Variants in CEP78 observed in about 807,000 individuals in gnomAD.
The protein encoded by CEP78 is centrosomal protein 78, also known as centrosomal protein of 78 kDa.
CEP78 carries 76 observed loss-of-function variants against 81.2 expected under a neutral mutation model. That is an observed-to-expected ratio of 0.94 (90% CI 0.78 to 1.13). The LOEUF (loss-of-function observed/expected upper bound fraction) is 1.13, where lower values mean the gene tolerates loss of function less well. CEP78 is among the 50% of genes most tolerant of loss of function. CEP78 has a pLI of 0.00. For missense variants in CEP78, 918 were observed against 846.8 expected (o/e 1.08, Z -1.04); for synonymous variants, 293 against 301.4 (o/e 0.97, Z 0.29).
At chr9:78,246,236 A>G (rs1826473224) in intron 5 of CEP78, among the ~76,000 whole-genome samples, 1 of 151,808 alleles carries the variant, frequency 6.6e-6, no homozygotes, top group Non-Finnish European at 1.5e-5. Context: ...AAGATTAAAA[A>G]CTGGCCATGA....
At chr9:78,246,826 G>A in intron 6 of CEP78, 44 bp downstream of exon 6, 1 of 1,122,222 alleles carries the variant, frequency 8.9e-7, no homozygotes, top group Non-Finnish European at 1.3e-6. Context: ...AATAGCAAAA[G>A]AAAAAGAATT....
At chr9:78,261,664 GT>G (rs1254301328) in intron 11 of CEP78, among the ~76,000 whole-genome samples, 4 of 152,166 alleles carry the variant, frequency 2.6e-5, no homozygotes, top group South Asian at 2.1e-4. Flanking sequence ...TTTAGAACTA[GT>G]TAGGAATGGA....
intron 15 of CEP78, 61 bp downstream of exon 15, chr9:78,265,967 A>G: frequency 2.5e-6 from 2 of 803,444 alleles, no homozygotes; most frequent in Non-Finnish European, 4.3e-6. Flanking sequence ...CAGGCAGTAT[A>G]TTATAGGCAT....
At chr9:78,259,910 T>G (rs1827198531) in intron 11 of CEP78, among the ~76,000 whole-genome samples, 1 of 152,360 alleles carries the variant, frequency 6.6e-6, no homozygotes, top group South Asian at 2.1e-4. Context: ...CTTTTATCTA[T>G]TAGAGAAAAA....
intron 13 of CEP78, among the ~76,000 whole-genome samples, chr9:78,264,645 T>TAAA (rs34285580): frequency 3.4e-4 from 40 of 119,368 alleles, no homozygotes; most frequent in Middle Eastern, 9.3e-3. Flanking sequence ...GCCCATCTCT[T>TAAA]AAAAAAAAAA....
In CEP78 at chr9:78,275,020, A is replaced by G. The variant is rs530934542; in HGVS notation, c.*4169A>G. 2 of 152,224 alleles carry G rather than the reference A, an allele frequency of 1.3e-5. No individual in the cohort carries two copies. The highest frequency in any genetic ancestry group is 2.1e-4 in the South Asian group (1 of 4,836). 9.4% of individuals were successfully genotyped at this position (152,224 alleles called of 1,614,324 possible). A position where few individuals can be genotyped will look rare whatever the true frequency, so the allele number is the denominator to read the frequency against. ...TGAAACACAGGTTTTTAAAAATGAA[A>G]GATAAACCTTTGTAAAATATGATAA... On this transcript the variant is annotated 3_prime_UTR_variant, in exon 17 of 17. Transcript: ENST00000643273.
At chr9:78,265,324 G>C in intron 13 of CEP78, 48 bp from the exon 14 acceptor site, 1 of 1,454,162 alleles carries the variant, frequency 6.9e-7, no homozygotes, top group Non-Finnish European at 9.3e-7. Flanking sequence ...CTGTTCTTAT[G>C]TGCTTCTAGT....
At position 78,276,591 on chromosome 9, in the gene CEP78, C is replaced by T. The variant is rs929604735; in HGVS notation, c.*5740C>T. Reference sequence around the variant, plus strand: ...AGCTGAATAAGGAGGCTGTGCACAACACCAACACACCGGTATGAAAAGTGT... The same window carrying T: ...AGCTGAATAAGGAGGCTGTGCACAATACCAACACACCGGTATGAAAAGTGT... On this transcript the variant is annotated 3_prime_UTR_variant, in exon 17 of 17. Transcript: ENST00000643273. 6.6e-6 allele frequency: 1 copy of T among 150,950 alleles called. No individual in the cohort carries two copies. The highest frequency in any genetic ancestry group is 1.5e-5 in the Non-Finnish European group (1 of 67,754). The allele number at this position is 150,950 out of a possible 1,614,324, so 9.4% of individuals were successfully genotyped here. A position where few individuals can be genotyped will look rare whatever the true frequency, so the allele number is the denominator to read the frequency against.
At position 78,263,003 on chromosome 9, in the gene CEP78, A is replaced by G; in HGVS notation, c.1458+19A>G. On this transcript the variant is annotated intron_variant, in intron 12 of 16. Transcript: ENST00000643273. ...CAGTGAGGTAAATAAAAGTTTTCTTACCTTTTGAGAGTTTTTTGTTTTGGT... is the reference window on the plus strand; with the variant it reads ...CAGTGAGGTAAATAAAAGTTTTCTTGCCTTTTGAGAGTTTTTTGTTTTGGT... 1.3e-6 allele frequency: 2 copies of G among 1,483,414 alleles called. No individual in the cohort carries two copies. The highest frequency in any genetic ancestry group is 1.8e-6 in the Non-Finnish European group (2 of 1,098,088). 91.9% of individuals were successfully genotyped at this position (1,483,414 alleles called of 1,614,324 possible).
At chr9:78,264,923 T>C (rs114482594) in intron 13 of CEP78, among the ~76,000 whole-genome samples, 29 of 151,632 alleles carry the variant, frequency 1.9e-4, no homozygotes, top group African/African-American at 7.0e-4. Flanking sequence ...AAAGAAAGAG[T>C]TGGAGATAGA....
At position 78,262,151 on chromosome 9, in the gene CEP78, A is replaced by G. The variant is rs149328258; in HGVS notation, c.1381-756A>G. Among the ~76,000 whole-genome samples the G allele has an allele frequency of 1.8e-4, 27 of 152,012 alleles. No individual in the cohort carries two copies. The East Asian group carries it at 4.2e-3, about 24-fold the overall frequency. On this transcript the variant is annotated intron_variant, in intron 11 of 16. Coordinates refer to ENST00000643273, the MANE Select transcript of CEP78 (RefSeq NM_001330691.3). ...CATTCATTAACTCTGGTTAAGACCCATATCATTGTTTTTAGTGGCTCCATA... is the reference window on the plus strand; with the variant it reads ...CATTCATTAACTCTGGTTAAGACCCGTATCATTGTTTTTAGTGGCTCCATA...
chr9:78,251,144 T>C (rs891406557), intron 8 of CEP78, among the ~76,000 whole-genome samples: 4 of 152,236 alleles, frequency 2.6e-5, no homozygotes, highest in Non-Finnish European at 5.9e-5. Context: ...TACTACCAAA[T>C]ATTTCTTTAA....
Position 78,240,281 on chromosome 9 carries a change from C to T in CEP78, c.427-11C>T, listed in dbSNP as rs1383423300. 4 of 1,606,476 alleles carry T rather than the reference C, an allele frequency of 2.5e-6. 1 individual carries two copies. Among genetic ancestry groups the T allele is most frequent in the East Asian group, 4.5e-5 (2 of 44,784 alleles). On this transcript the variant is annotated splice_polypyrimidine_tract_variant and intron_variant, in intron 2 of 16. Coordinates refer to ENST00000643273, the MANE Select transcript of CEP78 (RefSeq NM_001330691.3). ...CTCAATAACATTTTTAACTTTTCCC[C>T]CTCATTAAAGGGATTGAATAAATCG...
chr9:78,236,466 G>A lies in CEP78; in HGVS notation c.116G>A (p.Arg39Gln). The A allele has an allele frequency of 6.2e-7, 1 of 1,606,306 alleles. No homozygotes were observed. The highest frequency in any genetic ancestry group is 8.5e-7 in the Non-Finnish European group (1 of 1,176,630). ...VPLPAVRACL[R>Q]EGVLDFNADR... ...CTGCCCGCCGTGCGCGCCTGTCTCC[G>A]GGAGGGCGTGCTGGATTTCAACGCC... The change falls in exon 1 of 17, where the codon CGG (arginine) becomes CAG (glutamine). Residue 39 changes from arginine (R) to glutamine (Q), a missense_variant. Transcript: ENST00000643273.
In CEP78 at chr9:78,243,501, A is replaced by G; in HGVS notation, c.643A>G (p.Ser215Gly). ...MRRHEETWAE[S>G]LRYRRPDLDC... ...AAGGCATGAAGAAACCTGGGCTGAG[A>G]GTCTTCGCTATAGGAGACCTGATCT... The change falls in exon 5 of 17, where the codon AGT becomes GGT. Residue 215 changes from serine (S) to glycine (G), a missense_variant. Transcript: ENST00000643273. 6.2e-7 allele frequency: 1 copy of G among 1,613,802 alleles called. No individual in the cohort carries two copies. The highest frequency in any genetic ancestry group is 1.3e-5 in the African/African-American group (1 of 75,040).
rs71360676 is a variant in CEP78 at position 78,236,969 on chromosome 9, C to CTTTTTTTTTTTTT, written c.253+383_253+395dup. Among the ~76,000 whole-genome samples the CTTTTTTTTTTTTT allele has an allele frequency of 2.2e-3, 139 of 62,110 alleles. 30 individuals carry two copies. Among genetic ancestry groups the CTTTTTTTTTTTTT allele is most frequent in the African/African-American group, 3.1e-3 (50 of 16,054 alleles). The allele number at this position is 62,110 out of a possible 152,430, so 40.7% of individuals were successfully genotyped here. ...GAAATTAATACATGTCAGCCTTTGTCTTTTTTTTTTTTTTTTTTTTTTTTT... is the reference window on the plus strand; with the variant it reads ...GAAATTAATACATGTCAGCCTTTGTCTTTTTTTTTTTTTTTTTTTTTTTTTTTTTTTTTTTTTT... On this transcript the variant is annotated intron_variant, in intron 1 of 16. Coordinates refer to ENST00000643273, the MANE Select transcript of CEP78 (RefSeq NM_001330691.3).
At chr9:78,269,466 A>G (rs1385382344) in intron 16 of CEP78, among the ~76,000 whole-genome samples, 1 of 152,240 alleles carries the variant, frequency 6.6e-6, no homozygotes, top group Non-Finnish European at 1.5e-5. Context: ...TATAAGCAGT[A>G]GTTAAAATCA....
chr9:78,240,044 G>T lies in CEP78; in HGVS notation c.275G>T (p.Cys92Phe), dbSNP rs773451169. 1.3e-6 allele frequency: 2 copies of T among 1,578,148 alleles called. No individual in the cohort carries two copies. Among genetic ancestry groups the T allele is most frequent in the South Asian group, 1.2e-5 (1 of 83,736 alleles). ...GDTGSDMNKF[C>F]RSRVPAIRYK... ...TTAGGTTCTGACATGAATAAATTTT[G>T]CAGAAGTCGTGTTCCTGCGATAAGA... is the stretch of plus-strand genomic sequence containing the variant. The change falls in exon 2 of 17, where the codon TGC (cysteine) becomes TTC (phenylalanine). Residue 92 changes from cysteine (C) to phenylalanine (F), a missense_variant. Coordinates refer to ENST00000643273, the MANE Select transcript of CEP78 (RefSeq NM_001330691.3).
intron 16 of CEP78, among the ~76,000 whole-genome samples, chr9:78,268,563 G>T (rs1030334489): frequency 6.6e-6 from 1 of 152,042 alleles, no homozygotes; most frequent in African/African-American, 2.4e-5. Flanking sequence ...TTTCTGAAGA[G>T]CATTTGTCTT....
Sources: allele counts gnomAD v4.1 joint callset (sites outside exome capture counted in the v4.1 genomes callset), GRCh38; gene constraint gnomAD v4.1.1; transcripts MANE v1.5; gene names NCBI Gene and HGNC (gene_info 2026-07-23, HGNC 2026-07-21).